The following COQ3 variants were observed in gnomAD, a reference collection of about 807,000 sequenced individuals.
COQ3 encodes the protein ubiquinone biosynthesis O-methyltransferase, mitochondrial.
Under a neutral mutation model 33.1 loss-of-function variants are expected in COQ3, and 29 were observed. The ratio of observed to expected loss-of-function variants is 0.88; its 90% CI spans 0.65 to 1.19. The LOEUF is 1.19. Ranked by LOEUF, COQ3 falls within the 50% of genes most tolerant of loss-of-function variation. COQ3 has a pLI of 0.00. For missense variants in COQ3, 437 were observed against 430.7 expected, an observed-to-expected ratio of 1.01 and a Z score of -0.13; for synonymous variants, 173 against 157.8, an observed-to-expected ratio of 1.10 and a Z score of -0.72.
intron 5 of COQ3, among the ~76,000 whole-genome samples, chr6:99,375,263 C>A (rs756228631): frequency 6.6e-6 from 1 of 152,066 alleles, no homozygotes; most frequent in Non-Finnish European, 1.5e-5. Context: ...CCACTGTGCC[C>A]AGCCTCAAAT....
chr6:99,373,949 G>C (rs1774209961), intron 5 of COQ3, among the ~76,000 whole-genome samples: 1 of 152,100 alleles, frequency 6.6e-6, no homozygotes, highest in Non-Finnish European at 1.5e-5. Flanking sequence ...AATGGCTGCA[G>C]TGAGCCGTGA....
At chr6:99,370,640 C>T (rs6570009) in intron 6 of COQ3, among the ~76,000 whole-genome samples, 17,610 of 152,026 alleles carry the variant, frequency 0.12, 1,526 homozygotes, top group South Asian at 0.29. Flanking sequence ...TGAGCCACTG[C>T]GTGCAGCCTT....
chr6:99,372,580 G>C (rs928511620), intron 5 of COQ3, among the ~76,000 whole-genome samples: 1 of 151,906 alleles, frequency 6.6e-6, no homozygotes, highest in Admixed American at 6.6e-5. Flanking sequence ...ACCACGCCCG[G>C]CTAATGTTTG....
intron 2 of COQ3, among the ~76,000 whole-genome samples, chr6:99,382,202 C>G (rs1005207069): frequency 4.6e-5 from 7 of 152,016 alleles, no homozygotes; most frequent in African/African-American, 1.7e-4. Context: ...AAGGAAAAAG[C>G]CCAGGAAAGT....
intron 5 of COQ3, among the ~76,000 whole-genome samples, chr6:99,374,986 C>CT (rs781414728): frequency 0.012 from 1,639 of 140,238 alleles, 24 homozygotes; most frequent in East Asian, 0.065. Flanking sequence ...CAATTTCTTT[C>CT]TTTTTTTTTT....
At position 99,377,383 on chromosome 6, in the gene COQ3, T is replaced by C. The variant is rs771347779; in HGVS notation, c.486+3A>G. 1.2e-6 allele frequency: 2 copies of C among 1,609,578 alleles called. No homozygotes were observed. The highest frequency in any genetic ancestry group is 1.7e-6 in the Non-Finnish European group (2 of 1,175,972). On this transcript the variant is annotated splice_donor_region_variant and intron_variant, in intron 4 of 6. Coordinates refer to ENST00000254759, the MANE Select transcript of COQ3 (RefSeq NM_017421.4). ...TAAAAATGGCAGGAAAGCTGTCACT[T>C]ACTTCAGTTAACAGCCCACCACCAC...
Position 99,375,319 on chromosome 6 carries a change from C to T in COQ3, c.729+621G>A, listed in dbSNP as rs114456246. Among the ~76,000 whole-genome samples the T allele has an allele frequency of 7.9e-5, 12 of 151,834 alleles. No individual in the cohort carries two copies. In the South Asian group the frequency reaches 1.7e-3, roughly 21 times the overall value. ...TCAATATCTGTTAAGTATTTAATCC[C>T]GACTGCACCAGTGGAAAAATACTGC... On this transcript the variant is annotated intron_variant, in intron 5 of 6. Transcript: ENST00000254759.
intron 2 of COQ3, among the ~76,000 whole-genome samples, chr6:99,382,828 C>T (rs1018543275): frequency 2.0e-5 from 3 of 152,046 alleles, no homozygotes; most frequent in African/African-American, 7.2e-5. Flanking sequence ...TGGTGCATGC[C>T]TGTAATCCCA....
chr6:99,385,976 C>CAAAAAAAAAAA (rs61403627), intron 1 of COQ3, among the ~76,000 whole-genome samples: 11 of 97,668 alleles, frequency 1.1e-4, no homozygotes, highest in East Asian at 3.3e-4. Flanking sequence ...GACTCTGTCT[C>CAAAAAAAAAAA]AAAAAAAAAA....
rs765819302 is a variant in COQ3, at chr6:99,383,722, CAGGAAAA to C, written c.202_208del (p.Phe68ValfsTer2). 4 of 1,596,534 alleles carry C rather than the reference CAGGAAAA, an allele frequency of 2.5e-6. No homozygotes were observed. The South Asian group carries it at 4.6e-5, about 18-fold the overall frequency. On this transcript the variant is annotated frameshift_variant, in exon 2 of 7. Transcript: ENST00000254759. LOFTEE classifies it high-confidence loss of function. ...CCTGAAACTCTTTATTCTGTTCAAA[CAGGAAAA>C]GATCGTCCTGTAGGATTTGAACCAT... is the stretch of plus-strand genomic sequence containing the variant.
intron 5 of COQ3, among the ~76,000 whole-genome samples, chr6:99,375,214 C>T (rs1029349944): frequency 6.6e-6 from 1 of 151,868 alleles, no homozygotes; most frequent in Non-Finnish European, 1.5e-5. Flanking sequence ...GTGATCCACC[C>T]GCCTCCGCCT....
intron 3 of COQ3, among the ~76,000 whole-genome samples, chr6:99,377,786 A>G (rs1774338674): frequency 6.6e-6 from 1 of 152,082 alleles, no homozygotes; most frequent in South Asian, 2.1e-4. Context: ...TGCTTGAGAT[A>G]TCATGACACA....
chr6:99,374,194 T>C (rs1774223002), intron 5 of COQ3, among the ~76,000 whole-genome samples: 1 of 151,910 alleles, frequency 6.6e-6, no homozygotes, highest in Non-Finnish European at 1.5e-5. Context: ...ATAATGCTGA[T>C]GTTAATTTCT....
intron 4 of COQ3, 85 bp from the exon 5 acceptor site, chr6:99,376,267 A>T (rs1183003490): frequency 7.1e-7 from 1 of 1,416,894 alleles, no homozygotes; most frequent in Non-Finnish European, 9.6e-7. Context: ...ATGAAACAAG[A>T]TTAACCATGA....
At chr6:99,393,694 A>G (rs924086593) in intron 1 of COQ3, among the ~76,000 whole-genome samples, 1 of 152,242 alleles carries the variant, frequency 6.6e-6, no homozygotes, top group Non-Finnish European at 1.5e-5. Flanking sequence ...TTGTGCAAAC[A>G]AAACACAGAT....
At chr6:99,376,731 G>T (rs1192388738) in intron 4 of COQ3, among the ~76,000 whole-genome samples, 1 of 152,104 alleles carries the variant, frequency 6.6e-6, no homozygotes, top group Non-Finnish European at 1.5e-5. Context: ...AGCACTTTGG[G>T]AGGCAGAGGT....
chr6:99,379,845 G>T (rs1367168179), intron 3 of COQ3, among the ~76,000 whole-genome samples: 1 of 150,622 alleles, frequency 6.6e-6, no homozygotes, highest in Admixed American at 6.6e-5. Flanking sequence ...ACAAGAGCAA[G>T]ACTCCATCTC....
chr6:99,381,925 CAAA>C (rs57680059), intron 2 of COQ3, among the ~76,000 whole-genome samples: 11 of 121,678 alleles, frequency 9.0e-5, no homozygotes, highest in African/African-American at 1.2e-4. Flanking sequence ...GACTCTGTCT[CAAA>C]AAAAAAAAAA....
intron 6 of COQ3, 53 bp from the exon 7 acceptor site, chr6:99,369,873 A>G: frequency 2.4e-6 from 3 of 1,234,450 alleles, no homozygotes; most frequent in Non-Finnish European, 3.5e-6. Flanking sequence ...TTTCCTTCCA[A>G]TTTCCAAGAG....
Sources: gnomAD v4.1 joint callset for allele counts (sites outside exome capture counted in the v4.1 genomes callset) on GRCh38, gnomAD v4.1.1 for gene constraint, MANE v1.5 for transcripts, NCBI Gene and HGNC (gene_info 2026-07-23, HGNC 2026-07-21) for gene names.